PDS5B: variants seen among roughly 807,000 people sequenced by gnomAD.
The protein encoded by PDS5B is sister chromatid cohesion protein PDS5 homolog B.
Under a neutral mutation model 184.1 loss-of-function variants are expected in PDS5B, and 51 were observed. That is an observed-to-expected ratio of 0.28 (90% CI 0.22 to 0.35). The LOEUF (loss-of-function observed/expected upper bound fraction) is 0.35. Ranked by LOEUF, PDS5B falls within the 10% of genes least tolerant of loss-of-function variation. The pLI is 1.00. For missense variants in PDS5B, 1,180 were observed against 1,723.3 expected (o/e 0.68, Z 5.58); for synonymous variants, 566 against 569.2 (o/e 0.99, Z 0.08).
intron 1 of PDS5B, among the ~76,000 whole-genome samples, chr13:32,608,567 G>A (rs986060487): frequency 3.9e-5 from 6 of 152,168 alleles, no homozygotes; most frequent in African/African-American, 1.2e-4. Context: ...GGGAAGGGAC[G>A]ATAGACATGA....
intron 6 of PDS5B, among the ~76,000 whole-genome samples, chr13:32,665,449 C>T (rs965630054): frequency 6.6e-5 from 10 of 151,368 alleles, no homozygotes; most frequent in African/African-American, 9.7e-5. Flanking sequence ...ATTAGCTGGG[C>T]GTGGTGGCGG....
intron 19 of PDS5B, among the ~76,000 whole-genome samples, chr13:32,725,823 A>G (rs1486404446): frequency 2.6e-5 from 4 of 152,250 alleles, no homozygotes; most frequent in East Asian, 3.9e-4. Flanking sequence ...AGCACCACCA[A>G]TATGATTCCT....
At chr13:32,605,341 T>C (rs1171793798) in intron 1 of PDS5B, among the ~76,000 whole-genome samples, 1 of 152,208 alleles carries the variant, frequency 6.6e-6, no homozygotes, top group Non-Finnish European at 1.5e-5. Flanking sequence ...CCAGTAGTCA[T>C]TCAGGAGCTG....
intron 1 of PDS5B, among the ~76,000 whole-genome samples, chr13:32,646,654 T>C (rs948447093): frequency 6.6e-6 from 1 of 152,086 alleles, no homozygotes; most frequent in Non-Finnish European, 1.5e-5. Context: ...ACTTTCAGCA[T>C]GTATCCACTT....
chr13:32,775,732 T>G lies in PDS5B; in HGVS notation c.*680T>G, dbSNP rs1395102921. ...ATTACTTTACACCTCAGTATTGATT[T>G]GTCCCAGAATTTTCTGGCCTTTCAT... On this transcript the variant is annotated 3_prime_UTR_variant, in exon 35 of 35. Coordinates refer to ENST00000315596, the MANE Select transcript of PDS5B (RefSeq NM_015032.4). 2 of 429,320 alleles carry G rather than the reference T, an allele frequency of 4.7e-6. No individual in the cohort carries two copies. Among genetic ancestry groups the G allele is most frequent in the Non-Finnish European group, 9.2e-6 (2 of 216,884 alleles). The allele number at this position is 429,320 out of a possible 1,614,324, so 26.6% of individuals were successfully genotyped here. A position where few individuals can be genotyped will look rare whatever the true frequency, so the allele number is the denominator to read the frequency against.
At chr13:32,717,628 ACTATTGTC>A (rs1952503821) in intron 19 of PDS5B, among the ~76,000 whole-genome samples, 1 of 136,694 alleles carries the variant, frequency 7.3e-6, no homozygotes, top group Non-Finnish European at 1.6e-5. Context: ...CCTTCCCTCC[ACTATTGTC>A]CTATGACCCT....
At chr13:32,754,060 C>T (rs1256839582) in intron 25 of PDS5B, among the ~76,000 whole-genome samples, 1 of 151,802 alleles carries the variant, frequency 6.6e-6, no homozygotes, top group Non-Finnish European at 1.5e-5. Flanking sequence ...ACCTTTTTTC[C>T]CTCCTCTCAT....
chr13:32,716,621 G>C (rs1370132969), intron 19 of PDS5B, among the ~76,000 whole-genome samples: 2 of 149,176 alleles, frequency 1.3e-5, no homozygotes, highest in Non-Finnish European at 3.0e-5. Flanking sequence ...GAGGTGGGGG[G>C]GTCAGCCCCC....
At chr13:32,746,404 C>G (rs1953744391) in intron 24 of PDS5B, among the ~76,000 whole-genome samples, 1 of 152,076 alleles carries the variant, frequency 6.6e-6, no homozygotes, top group Admixed American at 6.5e-5. Context: ...CTTCAAGCCC[C>G]TGGCCACAAC....
At chr13:32,753,243 C>G in intron 24 of PDS5B, 89 bp from the exon 25 acceptor site, 1 of 995,024 alleles carries the variant, frequency 1.0e-6, no homozygotes, top group Non-Finnish European at 1.5e-6. Context: ...CTACTGTTTA[C>G]TCTTTACTTA....
chr13:32,740,972 T>A (rs1286641626), intron 21 of PDS5B, 108 bp from the exon 22 acceptor site: 4 of 669,874 alleles, frequency 6.0e-6, no homozygotes, highest in Non-Finnish European at 1.1e-5. Context: ...ATAACAAATG[T>A]CACTGCAGAA....
intron 1 of PDS5B, among the ~76,000 whole-genome samples, chr13:32,622,315 A>G (rs990614413): frequency 6.6e-6 from 1 of 152,002 alleles, no homozygotes; most frequent in African/African-American, 2.4e-5. Flanking sequence ...ATTCAATTAT[A>G]ATTATTTGAG....
chr13:32,756,820 TA>T (rs1954196741), intron 26 of PDS5B, among the ~76,000 whole-genome samples: 1 of 152,072 alleles, frequency 6.6e-6, no homozygotes, highest in East Asian at 1.9e-4. Flanking sequence ...TTTCCTTTTT[TA>T]AAAAATAAGA....
chr13:32,625,424 A>G (rs1593280988), intron 1 of PDS5B, among the ~76,000 whole-genome samples: 1 of 152,260 alleles, frequency 6.6e-6, no homozygotes. Flanking sequence ...TTTCATTGTG[A>G]CAGCACTAAA....
chr13:32,651,607 ATATTT>A (rs1254421217), intron 2 of PDS5B, among the ~76,000 whole-genome samples, 192 bp from the exon 3 acceptor site: 1 of 152,222 alleles, frequency 6.6e-6, no homozygotes, highest in Non-Finnish European at 1.5e-5. Context: ...AAATGAAAAA[ATATTT>A]TAGTAAGTCT....
rs576896700 is a variant in PDS5B at position 32,710,445 on chromosome 13, T to C, written c.2123+339T>C. Among the ~76,000 whole-genome samples, 5 of 152,320 alleles carry C rather than the reference T, an allele frequency of 3.3e-5. No homozygotes were observed. The East Asian group carries it at 9.6e-4, about 29-fold the overall frequency. The stretch of plus-strand genomic sequence containing the variant: ...CAGGACTATCCATAATATTCTTTAG[T>C]TTCCTCTGTGATTTAGGGCTGAAAC... On this transcript the variant is annotated intron_variant, in intron 19 of 34. Coordinates refer to ENST00000315596, the MANE Select transcript of PDS5B (RefSeq NM_015032.4).
chr13:32,643,409 G>A (rs1950146797), intron 1 of PDS5B, among the ~76,000 whole-genome samples: 1 of 152,024 alleles, frequency 6.6e-6, no homozygotes, highest in African/African-American at 2.4e-5. Flanking sequence ...TTTGTATATG[G>A]TGTGAAATAT....
chr13:32,690,196 A>G (rs1951509270), intron 13 of PDS5B: 1 of 152,188 alleles, frequency 6.6e-6, no homozygotes, highest in Non-Finnish European at 1.5e-5. Context: ...CATGTAGGCC[A>G]ATATTTAGCC....
intron 1 of PDS5B, among the ~76,000 whole-genome samples, chr13:32,611,493 T>G (rs1381503018): frequency 6.7e-6 from 1 of 149,240 alleles, no homozygotes; most frequent in Non-Finnish European, 1.5e-5. Context: ...TTTTATTACT[T>G]TGGTTAAAAC....
Sources: gnomAD v4.1 joint callset for allele counts (sites outside exome capture counted in the v4.1 genomes callset) on GRCh38, gnomAD v4.1.1 for gene constraint, MANE v1.5 for transcripts, NCBI Gene and HGNC (gene_info 2026-07-23, HGNC 2026-07-21) for gene names.